AGO4: variants seen among roughly 807,000 people sequenced by gnomAD.
The protein encoded by AGO4 is protein argonaute-4.
In AGO4, 33 loss-of-function variants were observed where a neutral mutation model predicts 104.7. The observed-to-expected ratio is 0.32, with a 90% CI of 0.24 to 0.42. The LOEUF (loss-of-function observed/expected upper bound fraction) is 0.42, where lower values mean the gene tolerates loss of function less well. Ranked by LOEUF, AGO4 falls within the 10% of genes least tolerant of loss-of-function variation. The probability of loss-of-function intolerance (pLI) is 1.00; values close to 1 mark genes in which losing one functional copy is unlikely to be tolerated. For missense variants in AGO4, 711 were observed against 1,083.4 expected, an observed-to-expected ratio of 0.66 and a Z score of 4.83; for synonymous variants, 331 against 364.7, an observed-to-expected ratio of 0.91 and a Z score of 1.05.
chr1:35,835,433 GCAAAACAAAA>G (rs1165782531), intron 12 of AGO4, among the ~76,000 whole-genome samples: 1 of 152,122 alleles, frequency 6.6e-6, no homozygotes, highest in African/African-American at 2.4e-5. Flanking sequence ...GAAAAAGGAA[GCAAAACAAAA>G]CAAAACAAAA....
chr1:35,836,176 G>A (rs1644308573), intron 13 of AGO4, among the ~76,000 whole-genome samples, 183 bp downstream of exon 13: 1 of 152,006 alleles, frequency 6.6e-6, no homozygotes, highest in Admixed American at 6.6e-5. Context: ...CTTCCTTATG[G>A]CCCCTCCAAA....
chr1:35,826,210 C>T, intron 6 of AGO4, 150 bp downstream of exon 6: 1 of 901,750 alleles, frequency 1.1e-6, no homozygotes, highest in Non-Finnish European at 1.7e-6. Context: ...CACTGTGAAC[C>T]TTAGTGTATT....
chr1:35,853,669 C>T lies in AGO4; in HGVS notation c.*64C>T. ...TGCAGCCTCAAAATGTTTCAAATGC[C>T]TACCGCCTCTAGATCGAGCCACGTT... On this transcript the variant is annotated 3_prime_UTR_variant, in exon 18 of 18. Coordinates refer to ENST00000373210, the MANE Select transcript of AGO4 (RefSeq NM_017629.4). The T allele has an allele frequency of 7.1e-7, 1 of 1,412,996 alleles. No homozygotes were observed. The allele number at this position is 1,412,996 out of a possible 1,614,324, so 87.5% of individuals were successfully genotyped here. A position where few individuals can be genotyped will look rare whatever the true frequency, so the allele number is the denominator to read the frequency against.
At chr1:35,852,754 T>C (rs1459534327) in intron 17 of AGO4, among the ~76,000 whole-genome samples, 1 of 152,172 alleles carries the variant, frequency 6.6e-6, no homozygotes, top group Admixed American at 6.6e-5. Flanking sequence ...AAGAAAAATA[T>C]AGGATTCTGT....
chr1:35,832,328 G>A (rs1325436096), intron 10 of AGO4, 109 bp from the exon 11 acceptor site: 3 of 1,500,036 alleles, frequency 2.0e-6, no homozygotes, highest in South Asian at 1.4e-5. Flanking sequence ...ATACCTAATA[G>A]AATTTTGTTT....
chr1:35,834,095 T>C lies in AGO4; in HGVS notation c.1485T>C (p.Pro495=), dbSNP rs1488362413. The C allele has an allele frequency of 6.2e-7, 1 of 1,611,924 alleles. No individual in the cohort carries two copies. Among genetic ancestry groups the C allele is most frequent in the Non-Finnish European group, 8.5e-7 (1 of 1,179,150 alleles). The change falls in exon 12 of 18, where the codon CCT becomes CCC. Residue 495 remains proline, a synonymous_variant. Transcript: ENST00000373210. The part of the protein sequence containing the change: ...KYAQGADSVE[P]MFKHLKMTYV... ...CACAAGGTGCAGACAGTGTGGAGCCTATGTTTAAACATCTGAAAATGACTT... is the reference window on the plus strand; with the variant it reads ...CACAAGGTGCAGACAGTGTGGAGCCCATGTTTAAACATCTGAAAATGACTT...
Position 35,816,216 on chromosome 1 carries a change from C to G in AGO4, c.20-666C>G, listed in dbSNP as rs374025438. Among the ~76,000 whole-genome samples the G allele has an allele frequency of 2.2e-4, 33 of 152,122 alleles. No individual in the cohort carries two copies. The South Asian group carries it at 6.8e-3, about 32-fold the overall frequency. On this transcript the variant is annotated intron_variant, in intron 1 of 17. Coordinates refer to ENST00000373210, the MANE Select transcript of AGO4 (RefSeq NM_017629.4). ...ATTTCCAACTCTGGGGATGGTGGCTCCAGAGTTTAGAGATAGTTTTTAAAA... is the reference window on the plus strand; with the variant it reads ...ATTTCCAACTCTGGGGATGGTGGCTGCAGAGTTTAGAGATAGTTTTTAAAA...
Position 35,819,665 on chromosome 1 carries a change from G to A in AGO4, c.185+2618G>A, listed in dbSNP as rs560070578. On this transcript the variant is annotated intron_variant, in intron 2 of 17. Coordinates refer to ENST00000373210, the MANE Select transcript of AGO4 (RefSeq NM_017629.4). ...GAAGAATCACTTGAACCCGGGAGAC[G>A]GAGGTTGCAGTGAGCTGAGATCGTG... 1.8e-4 allele frequency among the ~76,000 whole-genome samples: 27 copies of A among 151,146 alleles called. 1 individual carries two copies. The South Asian group carries it at 4.2e-3, about 23-fold the overall frequency.
Position 35,850,837 on chromosome 1 carries a change from TA to T in AGO4, c.2278-13del. 1.3e-6 allele frequency: 1 copy of T among 790,306 alleles called. No homozygotes were observed. The highest frequency in any genetic ancestry group is 1.9e-6 in the Non-Finnish European group (1 of 533,758). The allele number at this position is 790,306 out of a possible 1,614,324, so 49.0% of individuals were successfully genotyped here. On this transcript the variant is annotated splice_polypyrimidine_tract_variant and intron_variant, in intron 16 of 17. Coordinates refer to ENST00000373210, the MANE Select transcript of AGO4 (RefSeq NM_017629.4). The stretch of plus-strand genomic sequence containing the variant: ...ACGAACAAAAAAAAAACATTAATCA[TA>T]AAACTCTCTCCTCAGGGAACCAGCC...
intron 8 of AGO4, 113 bp from the exon 9 acceptor site, chr1:35,831,699 C>T: frequency 1.3e-6 from 2 of 1,544,090 alleles, no homozygotes; most frequent in South Asian, 2.5e-5. Context: ...GATGATTTCA[C>T]TATATAACCA....
At chr1:35,843,189 C>T (rs1329693978) in intron 15 of AGO4, among the ~76,000 whole-genome samples, 1 of 152,164 alleles carries the variant, frequency 6.6e-6, no homozygotes, top group East Asian at 1.9e-4. Flanking sequence ...CCTCACCCTC[C>T]TGAGTAGCTG....
intron 13 of AGO4, among the ~76,000 whole-genome samples, chr1:35,839,049 C>T (rs1644380017): frequency 6.6e-6 from 1 of 151,982 alleles, no homozygotes; most frequent in Non-Finnish European, 1.5e-5. Flanking sequence ...GGCACAATCT[C>T]GGCTCACTGC....
At chr1:35,823,074 C>A in intron 3 of AGO4, 92 bp downstream of exon 3, 3 of 1,462,134 alleles carry the variant, frequency 2.1e-6, no homozygotes, top group South Asian at 1.3e-5. Context: ...ACACAAAAAA[C>A]ATAAATGTTT....
chr1:35,816,798 CAAAA>C (rs72065876), intron 1 of AGO4, 80 bp from the exon 2 acceptor site: 2,341 of 1,029,158 alleles, frequency 2.3e-3, no homozygotes, highest in South Asian at 4.6e-3. Flanking sequence ...AACTCTGTCT[CAAAA>C]AAAAAAAAAA....
intron 2 of AGO4, among the ~76,000 whole-genome samples, 183 bp downstream of exon 2, chr1:35,817,230 A>G (rs1643740031): frequency 6.6e-6 from 1 of 152,168 alleles, no homozygotes; most frequent in East Asian, 1.9e-4. Context: ...AAAGTGCTGG[A>G]TATATTATTA....
At chr1:35,818,220 G>A (rs769707686) in intron 2 of AGO4, among the ~76,000 whole-genome samples, 12 of 151,850 alleles carry the variant, frequency 7.9e-5, no homozygotes, top group Admixed American at 6.6e-5. Flanking sequence ...ATGTATATAC[G>A]TATGCAAATA....
At position 35,841,476 on chromosome 1, in the gene AGO4, A is replaced by G. The variant is rs1402957361; in HGVS notation, c.2036A>G (p.Lys679Arg). Residue 679 changes from lysine (K) to arginine (R), a missense_variant, in exon 14 of 18, where the codon AAA becomes AGA. Around this residue, in one of 3 missense-constraint regions of AGO4, gnomAD observed 401 missense variants for 665.5 expected, o/e 0.60. Transcript: ENST00000373210. This position sits in a 1 kb window ranked among gnomAD's most constrained non-coding sequence, Gnocchi z 4.7. ...YRGGVSEGQM[K>R]QVAWPELIAI... is the part of the protein sequence containing the mutation. ...GGAGGGGTATCTGAGGGACAAATGA[A>G]ACAGGTACTCTCATTATCCCTGTTG... is the stretch of plus-strand genomic sequence containing the variant. 1 of 1,612,084 alleles carries G rather than the reference A, an allele frequency of 6.2e-7. No individual in the cohort carries two copies. Among genetic ancestry groups the G allele is most frequent in the Non-Finnish European group, 8.5e-7 (1 of 1,178,342 alleles).
Position 35,853,817 on chromosome 1 carries a change from T to G in AGO4, c.*212T>G. 2.4e-6 allele frequency: 1 copy of G among 423,236 alleles called. No individual in the cohort carries two copies. The highest frequency in any genetic ancestry group is 4.3e-6 in the Non-Finnish European group (1 of 233,806). The allele number at this position is 423,236 out of a possible 1,614,324, so 26.2% of individuals were successfully genotyped here. A position where few individuals can be genotyped will look rare whatever the true frequency, so the allele number is the denominator to read the frequency against. On this transcript the variant is annotated 3_prime_UTR_variant, in exon 18 of 18. Coordinates refer to ENST00000373210, the MANE Select transcript of AGO4 (RefSeq NM_017629.4). ...TAAAGTAATAGATACTAATAGATTA[T>G]CTTTTCTGATGCACTGGACTGAATT...
At chr1:35,833,852 G>T in intron 11 of AGO4, 138 bp from the exon 12 acceptor site, 1 of 763,376 alleles carries the variant, frequency 1.3e-6, no homozygotes, top group Non-Finnish European at 1.8e-6. Context: ...ACCAGTTAAA[G>T]ATTTTTATTT....
Sources: gnomAD v4.1 joint callset for allele counts (sites outside exome capture counted in the v4.1 genomes callset) on GRCh38, gnomAD v4.1.1 for gene constraint, gnomAD v4.1.1 regional missense constraint, Gnocchi (gnomAD v3.1) non-coding constraint, MANE v1.5 for transcripts, NCBI Gene and HGNC (gene_info 2026-07-23, HGNC 2026-07-21) for gene names.